The following IP6K1 variants were observed in gnomAD, a reference collection of about 807,000 sequenced individuals.
The protein encoded by IP6K1 is ATP:1D-myo-inositol-hexakisphosphate phosphotransferase.
A neutral mutation model predicts 38.3 loss-of-function variants in IP6K1; 13 were observed. The ratio of observed to expected loss-of-function variants is 0.34; its 90% CI spans 0.22 to 0.54. The LOEUF is 0.54. Among genes scored for constraint, IP6K1 ranks in the 20% least tolerant of loss-of-function variants. The probability of loss-of-function intolerance (pLI) is 0.92; values close to 1 mark genes in which losing one functional copy is unlikely to be tolerated. For synonymous variants in IP6K1, 212 were observed against 229.9 expected (o/e 0.92, Z 0.70); for missense variants, 397 against 599.8 (o/e 0.66, Z 3.53).
chr3:49,758,484 G>A (rs1244019066), intron 1 of IP6K1: 2 of 152,108 alleles, frequency 1.3e-5, no homozygotes, highest in Admixed American at 6.6e-5. Flanking sequence ...ACCACAGCAC[G>A]TCTGCAGTTT....
At position 49,747,794 on chromosome 3, in the gene IP6K1, T is replaced by C. The variant is rs199958600; in HGVS notation, c.223+24A>G. ...GTCTATAAGCCCAAGGCTGCTGCTT[T>C]CATTAAACTGGCCAGTGACTGACCT... On this transcript the variant is annotated intron_variant, in intron 2 of 5. Coordinates refer to ENST00000321599, the MANE Select transcript of IP6K1 (RefSeq NM_153273.4). 810 of 1,613,838 alleles carry C rather than the reference T, an allele frequency of 5.0e-4. 7 individuals are homozygous for C. Among genetic ancestry groups the C allele is most frequent in the Middle Eastern group, 4.9e-4 (3 of 6,080 alleles).
At chr3:49,738,777 T>C (rs2080638934) in intron 2 of IP6K1, among the ~76,000 whole-genome samples, 1 of 152,202 alleles carries the variant, frequency 6.6e-6, no homozygotes, top group South Asian at 2.1e-4. Context: ...TTAAGTGCTT[T>C]ATGCTGCCAT....
intron 3 of IP6K1, among the ~76,000 whole-genome samples, chr3:49,737,427 T>C (rs939289534): frequency 6.6e-6 from 1 of 152,214 alleles, no homozygotes; most frequent in African/African-American, 2.4e-5. Flanking sequence ...GGCTCATGCC[T>C]ATAATCCCAG....
intron 2 of IP6K1, among the ~76,000 whole-genome samples, chr3:49,742,323 G>A (rs1032164070): frequency 6.6e-6 from 1 of 152,176 alleles, no homozygotes; most frequent in African/African-American, 2.4e-5. Flanking sequence ...GCTGAGGGGG[G>A]CGGATCACGA....
chr3:49,742,117 T>C (rs755364181), intron 2 of IP6K1, among the ~76,000 whole-genome samples: 13 of 151,890 alleles, frequency 8.6e-5, no homozygotes, highest in Non-Finnish European at 1.8e-4. Flanking sequence ...AGTAAATTCT[T>C]AGGATCTACT....
chr3:49,768,826 C>A (rs1038944235), intron 1 of IP6K1, among the ~76,000 whole-genome samples: 1 of 151,784 alleles, frequency 6.6e-6, no homozygotes, highest in East Asian at 1.9e-4. Context: ...TTATTAAGAA[C>A]GTACAAGGGG....
At chr3:49,777,022 G>A (rs1177816927) in intron 1 of IP6K1, among the ~76,000 whole-genome samples, 1 of 151,892 alleles carries the variant, frequency 6.6e-6, no homozygotes, top group Admixed American at 6.6e-5. Context: ...ATCACTTGAG[G>A]TCAGGAGTTC....
chr3:49,781,425 T>C (rs961815084), intron 1 of IP6K1, among the ~76,000 whole-genome samples: 1 of 152,182 alleles, frequency 6.6e-6, no homozygotes, highest in Non-Finnish European at 1.5e-5. Flanking sequence ...ATAATGTAAC[T>C]GCAGTTCAAA....
At chr3:49,770,260 G>A (rs755807770) in intron 1 of IP6K1, among the ~76,000 whole-genome samples, 1 of 152,176 alleles carries the variant, frequency 6.6e-6, no homozygotes, top group East Asian at 1.9e-4. Context: ...ATTTGTTACA[G>A]AGCAATAGAT....
chr3:49,736,164 C>T (rs544740742), intron 3 of IP6K1, among the ~76,000 whole-genome samples: 2 of 152,230 alleles, frequency 1.3e-5, no homozygotes, highest in Non-Finnish European at 2.9e-5. Flanking sequence ...GATCCACCCG[C>T]CTCGGCCTCC....
At chr3:49,744,315 T>C (rs1453963169) in intron 2 of IP6K1, among the ~76,000 whole-genome samples, 2 of 135,242 alleles carry the variant, frequency 1.5e-5, no homozygotes, top group East Asian at 2.1e-4. Flanking sequence ...GGCAGAAGAA[T>C]GGCGTGAACC....
At chr3:49,756,838 A>AAAAAAAAG (rs1559710132) in intron 1 of IP6K1, among the ~76,000 whole-genome samples, 2 of 119,186 alleles carry the variant, frequency 1.7e-5, no homozygotes, top group Non-Finnish European at 3.4e-5. Flanking sequence ...AAAAAAAAAA[A>AAAAAAAAG]AAAGAAAAAA....
chr3:49,748,184 G>A lies in IP6K1; in HGVS notation c.-128-16C>T. ...TTATTCTGTCCTACAGAAAAGAAGA[G>A]AGGAAGAAGGAATCAAAACACTGGG... On this transcript the variant is annotated splice_polypyrimidine_tract_variant and intron_variant, in intron 1 of 5. Coordinates refer to ENST00000321599, the MANE Select transcript of IP6K1 (RefSeq NM_153273.4). 1.2e-6 allele frequency: 1 copy of A among 812,554 alleles called. No individual in the cohort carries two copies. The highest frequency in any genetic ancestry group is 1.9e-6 in the Non-Finnish European group (1 of 514,324). The allele number at this position is 812,554 out of a possible 1,614,324, so 50.3% of individuals were successfully genotyped here. A position where few individuals can be genotyped will look rare whatever the true frequency, so the allele number is the denominator to read the frequency against.
At chr3:49,775,082 C>G (rs1214435739) in intron 1 of IP6K1, among the ~76,000 whole-genome samples, 1 of 151,864 alleles carries the variant, frequency 6.6e-6, no homozygotes, top group African/African-American at 2.4e-5. Flanking sequence ...TAACTCATGC[C>G]TGAACAAAAC....
intron 1 of IP6K1, among the ~76,000 whole-genome samples, chr3:49,782,208 T>C (rs1203015416): frequency 1.3e-5 from 2 of 151,736 alleles, no homozygotes; most frequent in Non-Finnish European, 2.9e-5. Flanking sequence ...TCTAGCTCTG[T>C]CGCCCAGGCT....
At chr3:49,747,730 T>A in intron 2 of IP6K1, 88 bp downstream of exon 2, 36 of 1,556,512 alleles carry the variant, frequency 2.3e-5, no homozygotes, top group Non-Finnish European at 3.0e-5. Flanking sequence ...TACAATGATA[T>A]ATCATGGCAA....
At chr3:49,737,854 C>G (rs1308783702) in intron 3 of IP6K1, among the ~76,000 whole-genome samples, 1 of 152,198 alleles carries the variant, frequency 6.6e-6, no homozygotes, top group Non-Finnish European at 1.5e-5. Flanking sequence ...CTTGGACATC[C>G]TGCAGGTCAG....
chr3:49,747,200 A>G (rs1473245893), intron 2 of IP6K1, among the ~76,000 whole-genome samples: 1 of 152,094 alleles, frequency 6.6e-6, no homozygotes, highest in African/African-American at 2.4e-5. Context: ...TGTAAAAAAA[A>G]AACTTAGACA....
chr3:49,730,492 G>A (rs1180035186), intron 4 of IP6K1, among the ~76,000 whole-genome samples: 2 of 152,306 alleles, frequency 1.3e-5, no homozygotes, highest in Middle Eastern at 6.8e-3. Flanking sequence ...CAAAAACAAG[G>A]AAACCAGATT....
Sources: allele counts gnomAD v4.1 joint callset (sites outside exome capture counted in the v4.1 genomes callset), GRCh38; gene constraint gnomAD v4.1.1; transcripts MANE v1.5; gene names NCBI Gene and HGNC (gene_info 2026-07-23, HGNC 2026-07-21).